The following RETREG1 variants were observed in gnomAD, a reference collection of about 807,000 sequenced individuals.
The protein encoded by RETREG1 is family with sequence similarity 134 member B.
RETREG1 carries 44 observed loss-of-function variants against 54.8 expected under a neutral mutation model. The observed-to-expected ratio is 0.80, with a 90% CI of 0.63 to 1.03. RETREG1 has a LOEUF of 1.03. Ranked by LOEUF, RETREG1 falls within the 50% of genes least tolerant of loss-of-function variation. RETREG1 has a pLI of 0.00. For missense variants in RETREG1, 554 were observed against 605.1 expected (o/e 0.92, Z 0.89); for synonymous variants, 217 against 238.5 (o/e 0.91, Z 0.83).
At chr5:16,516,508 G>T (rs1018750707) in intron 3 of RETREG1, among the ~76,000 whole-genome samples, 18 of 152,194 alleles carry the variant, frequency 1.2e-4, no homozygotes, top group Non-Finnish European at 2.4e-4. Flanking sequence ...AATCAGAATC[G>T]CTGGGGGAAG....
intron 3 of RETREG1, among the ~76,000 whole-genome samples, chr5:16,553,014 T>C (rs574080347): frequency 5.3e-5 from 8 of 152,338 alleles, no homozygotes; most frequent in African/African-American, 1.9e-4. Flanking sequence ...ATTTCCATGC[T>C]AGGTGTCACA....
chr5:16,591,559 G>A (rs1161168163), intron 1 of RETREG1, among the ~76,000 whole-genome samples: 1 of 152,088 alleles, frequency 6.6e-6, no homozygotes, highest in Non-Finnish European at 1.5e-5. Context: ...CCCCTCCCAC[G>A]CCATTTACCA....
chr5:16,477,983 C>T, intron 7 of RETREG1, 51 bp downstream of exon 7: 1 of 1,435,214 alleles, frequency 7.0e-7, no homozygotes, highest in African/African-American at 1.4e-5. Context: ...TGCATACATG[C>T]ATTTACAGTC....
intron 3 of RETREG1, among the ~76,000 whole-genome samples, chr5:16,519,040 A>C (rs1740447550): frequency 6.6e-6 from 1 of 152,216 alleles, no homozygotes. Flanking sequence ...GATCAAACTG[A>C]CCAAAAAGAA....
At chr5:16,568,758 G>A (rs1045239902) in intron 2 of RETREG1, among the ~76,000 whole-genome samples, 2 of 152,134 alleles carry the variant, frequency 1.3e-5, no homozygotes, top group Admixed American at 6.6e-5. Context: ...AGATGAAAAC[G>A]CTCTAGGGAT....
chr5:16,490,431 T>C (rs1356379351), intron 3 of RETREG1, among the ~76,000 whole-genome samples: 1 of 152,180 alleles, frequency 6.6e-6, no homozygotes, highest in East Asian at 1.9e-4. Flanking sequence ...AAAGGAAAGA[T>C]GCAATTAGGT....
chr5:16,616,816 G>T lies in RETREG1; in HGVS notation c.156C>A (p.Gly52=). The change falls in exon 1 of 9, where the codon GGC becomes GGA. Residue 52 remains glycine, a synonymous_variant. Transcript: ENST00000306320. ...CGGCCTCCTCCACCTGCAACCCCGC[G>T]CCCTCCGCCGCCCCAGCTTCCTGCG... The part of the protein sequence containing the change: ...EEAQEAGAAE[G]AGLQVEEAAG... 2 of 1,517,490 alleles carry T rather than the reference G, an allele frequency of 1.3e-6. No individual in the cohort carries two copies. The highest frequency in any genetic ancestry group is 1.8e-6 in the Non-Finnish European group (2 of 1,140,056). The allele number at this position is 1,517,490 out of a possible 1,614,324, so 94.0% of individuals were successfully genotyped here.
intron 1 of RETREG1, among the ~76,000 whole-genome samples, chr5:16,584,680 C>T (rs1280598536): frequency 2.0e-5 from 3 of 152,120 alleles, no homozygotes; most frequent in African/African-American, 7.2e-5. Flanking sequence ...TTTAATTTCT[C>T]CTGGCCTTTT....
At chr5:16,596,322 G>GATTTCAATATGAT (rs1742892652) in intron 1 of RETREG1, among the ~76,000 whole-genome samples, 1 of 152,204 alleles carries the variant, frequency 6.6e-6, no homozygotes, top group Non-Finnish European at 1.5e-5. Context: ...TCTGGGATAT[G>GATTTCAATATGAT]ATTTCAATAT....
intron 1 of RETREG1, among the ~76,000 whole-genome samples, chr5:16,578,291 AAC>A (rs1742390637): frequency 6.6e-6 from 1 of 151,470 alleles, no homozygotes; most frequent in African/African-American, 2.5e-5. Flanking sequence ...TATTTAATGA[AAC>A]AGTCAGACTC....
intron 1 of RETREG1, among the ~76,000 whole-genome samples, chr5:16,588,679 G>T (rs1269823781): frequency 1.3e-5 from 2 of 152,192 alleles, no homozygotes; most frequent in African/African-American, 4.8e-5. Context: ...TGAGATCAAG[G>T]CTGAAATATC....
At chr5:16,553,734 T>C (rs1741609989) in intron 3 of RETREG1, among the ~76,000 whole-genome samples, 1 of 152,126 alleles carries the variant, frequency 6.6e-6, no homozygotes, top group Non-Finnish European at 1.5e-5. Flanking sequence ...CCTGATTGGA[T>C]AATAGGTTCA....
In RETREG1 at chr5:16,607,646, G is replaced by A. The variant is rs971944143; in HGVS notation, c.320+9006C>T. On this transcript the variant is annotated intron_variant, in intron 1 of 8. Transcript: ENST00000306320. ...AAAAACAAAAAAAGAAATACTTGTT[G>A]TATATTTTAATGGAGGTCCTGAAAG... Among the ~76,000 whole-genome samples, 3 of 151,880 alleles carry A rather than the reference G, an allele frequency of 2.0e-5. No individual in the cohort carries two copies. The East Asian group carries it at 5.8e-4, about 29-fold the overall frequency.
At chr5:16,614,720 T>G (rs1001761873) in intron 1 of RETREG1, among the ~76,000 whole-genome samples, 3 of 152,230 alleles carry the variant, frequency 2.0e-5, no homozygotes, top group African/African-American at 7.2e-5. Flanking sequence ...TACAGGGTCA[T>G]TAGCTATAAT....
At chr5:16,552,223 C>G (rs543780818) in intron 3 of RETREG1, among the ~76,000 whole-genome samples, 96 of 152,344 alleles carry the variant, frequency 6.3e-4, no homozygotes, top group African/African-American at 2.2e-3. Flanking sequence ...AAGCAGGAAC[C>G]TTTGCCCTCA....
intron 2 of RETREG1, among the ~76,000 whole-genome samples, chr5:16,567,092 T>A (rs1253068804): frequency 1.3e-5 from 2 of 152,156 alleles, no homozygotes; most frequent in Non-Finnish European, 2.9e-5. Context: ...AACAAGGACC[T>A]TTAGAATGGT....
intron 1 of RETREG1, among the ~76,000 whole-genome samples, chr5:16,614,536 C>G (rs1393574501): frequency 6.6e-6 from 1 of 152,124 alleles, no homozygotes; most frequent in African/African-American, 2.4e-5. Context: ...AAGAGTGTGG[C>G]AAAGCAGGCA....
At chr5:16,531,703 C>T (rs1015839133) in intron 3 of RETREG1, among the ~76,000 whole-genome samples, 5 of 152,094 alleles carry the variant, frequency 3.3e-5, no homozygotes, top group African/African-American at 7.2e-5. Flanking sequence ...AAGCAAGACA[C>T]GCGTGGCACA....
At chr5:16,538,773 C>T (rs1207387203) in intron 3 of RETREG1, among the ~76,000 whole-genome samples, 10 of 151,728 alleles carry the variant, frequency 6.6e-5, no homozygotes, top group African/African-American at 1.5e-4. Context: ...GGCACGATCT[C>T]GGCTCACTGC....
Sources: gnomAD v4.1 joint callset for allele counts (sites outside exome capture counted in the v4.1 genomes callset) on GRCh38, gnomAD v4.1.1 for gene constraint, MANE v1.5 for transcripts, NCBI Gene and HGNC (gene_info 2026-07-23, HGNC 2026-07-21) for gene names.